The following ELMO1 variants were observed in gnomAD, a reference collection of about 807,000 sequenced individuals.
ELMO1 encodes engulfment and cell motility protein 1.
ELMO1 carries 26 observed loss-of-function variants against 98.9 expected under a neutral mutation model. The ratio of observed to expected loss-of-function variants is 0.26; its 90% CI spans 0.19 to 0.36. The LOEUF is 0.36. Ranked by LOEUF, ELMO1 falls within the 10% of genes least tolerant of loss-of-function variation. The pLI is 1.00. For synonymous variants in ELMO1, 346 were observed against 346.0 expected, an observed-to-expected ratio of 1.00 and a Z score of 0.00; for missense variants, 627 against 935.2, an observed-to-expected ratio of 0.67 and a Z score of 4.30.
chr7:37,165,263 T>C (rs1789579958), intron 13 of ELMO1, among the ~76,000 whole-genome samples: 1 of 152,238 alleles, frequency 6.6e-6, no homozygotes, highest in East Asian at 1.9e-4. Flanking sequence ...TTCTAGATAT[T>C]CAATCATGTC....
At chr7:37,225,569 G>GAAAAACTATCCC (rs1554446863) in intron 8 of ELMO1, among the ~76,000 whole-genome samples, 1 of 152,148 alleles carries the variant, frequency 6.6e-6, no homozygotes, top group Non-Finnish European at 1.5e-5. Context: ...TCTCTTAAAC[G>GAAAAACTATCCC]AAAAACTCGT....
intron 1 of ELMO1, among the ~76,000 whole-genome samples, chr7:37,347,702 T>C (rs1207924064): frequency 6.6e-6 from 1 of 152,118 alleles, no homozygotes; most frequent in Non-Finnish European, 1.5e-5. Context: ...TTTTTTCCTT[T>C]ATAAATTACC....
intron 20 of ELMO1, among the ~76,000 whole-genome samples, chr7:36,863,888 G>A (rs1454473286): frequency 2.6e-5 from 4 of 152,142 alleles, no homozygotes; most frequent in Non-Finnish European, 4.4e-5. Flanking sequence ...GATTTGGCAT[G>A]TTCATTAAAA....
intron 15 of ELMO1, among the ~76,000 whole-genome samples, chr7:37,074,210 AG>A (rs1474166588): frequency 6.7e-6 from 1 of 148,618 alleles, no homozygotes; most frequent in Admixed American, 6.7e-5. Flanking sequence ...ATTCATATAT[AG>A]GGTATAAATA....
chr7:37,320,050 T>C (rs998928111), intron 2 of ELMO1, among the ~76,000 whole-genome samples: 2 of 152,096 alleles, frequency 1.3e-5, no homozygotes, highest in Admixed American at 6.6e-5. Flanking sequence ...GGTCAGGAGA[T>C]TGAGACCATT....
At chr7:37,016,729 T>C (rs1584519579) in intron 15 of ELMO1, among the ~76,000 whole-genome samples, 1 of 152,316 alleles carries the variant, frequency 6.6e-6, no homozygotes. Context: ...ATGGACTTCA[T>C]AGTCACTTAT....
intron 13 of ELMO1, among the ~76,000 whole-genome samples, chr7:37,165,301 C>T (rs901558374): frequency 6.6e-6 from 1 of 151,906 alleles, no homozygotes; most frequent in African/African-American, 2.4e-5. Flanking sequence ...ATTTGACTTC[C>T]TCTTTTCCTA....
intron 4 of ELMO1, among the ~76,000 whole-genome samples, chr7:37,286,724 C>T (rs1283907579): frequency 1.3e-5 from 2 of 152,146 alleles, no homozygotes; most frequent in Admixed American, 6.5e-5. Context: ...CATTTGGATC[C>T]CCAGCCTTAG....
intron 14 of ELMO1, among the ~76,000 whole-genome samples, chr7:37,104,930 C>G (rs1784860183): frequency 6.6e-6 from 1 of 151,074 alleles, no homozygotes; most frequent in Non-Finnish European, 1.5e-5. Context: ...TGGTATAAAA[C>G]CCAGCTAATG....
At chr7:36,888,435 G>C (rs1290378789) in intron 17 of ELMO1, among the ~76,000 whole-genome samples, 5 of 152,068 alleles carry the variant, frequency 3.3e-5, no homozygotes, top group Non-Finnish European at 7.4e-5. Context: ...TATTCTAGTT[G>C]AAGCTGGACA....
At chr7:37,021,749 T>G (rs1171767459) in intron 15 of ELMO1, among the ~76,000 whole-genome samples, 1 of 152,158 alleles carries the variant, frequency 6.6e-6, no homozygotes, top group Non-Finnish European at 1.5e-5. Flanking sequence ...TGTAGAGTGA[T>G]TCATATGTTA....
intron 21 of ELMO1, among the ~76,000 whole-genome samples, chr7:36,858,014 T>TA (rs1802339640): frequency 6.6e-6 from 1 of 152,208 alleles, no homozygotes; most frequent in Non-Finnish European, 1.5e-5. Context: ...ATAACGACAG[T>TA]AACTGCAACA....
At chr7:37,440,762 C>T (rs2131588721) in intron 1 of ELMO1, among the ~76,000 whole-genome samples, 1 of 131,894 alleles carries the variant, frequency 7.6e-6, no homozygotes, top group South Asian at 2.3e-4. Flanking sequence ...GAGTGAGACT[C>T]CATCTCAAAA....
intron 15 of ELMO1, among the ~76,000 whole-genome samples, chr7:37,092,513 G>A (rs1208483934): frequency 6.6e-6 from 1 of 151,538 alleles, no homozygotes; most frequent in Non-Finnish European, 1.5e-5. Flanking sequence ...TAAGTAGCTG[G>A]GACTACAGGC....
intron 15 of ELMO1, among the ~76,000 whole-genome samples, chr7:37,077,655 C>T (rs1797654672): frequency 6.6e-6 from 1 of 152,172 alleles, no homozygotes; most frequent in Non-Finnish European, 1.5e-5. Context: ...ACTGAATTAA[C>T]AGGACGTGGC....
chr7:37,128,768 C>T (rs957582956), intron 14 of ELMO1, among the ~76,000 whole-genome samples: 1 of 152,116 alleles, frequency 6.6e-6, no homozygotes, highest in Non-Finnish European at 1.5e-5. Context: ...GCTCTTTACT[C>T]ATGTGAATTA....
intron 16 of ELMO1, among the ~76,000 whole-genome samples, chr7:36,935,283 T>C (rs1324317986): frequency 6.6e-6 from 1 of 152,206 alleles, no homozygotes; most frequent in Non-Finnish European, 1.5e-5. Context: ...TCTGCCATGA[T>C]GGTGAGGCCT....
chr7:37,108,610 TA>T (rs1188684383), intron 14 of ELMO1, among the ~76,000 whole-genome samples: 1 of 152,236 alleles, frequency 6.6e-6, no homozygotes, highest in Non-Finnish European at 1.5e-5. Flanking sequence ...GTATCTTTCT[TA>T]AAACAATTCC....
intron 13 of ELMO1, among the ~76,000 whole-genome samples, chr7:37,156,739 C>A (rs1788794758): frequency 6.6e-6 from 1 of 152,182 alleles, no homozygotes; most frequent in Non-Finnish European, 1.5e-5. Context: ...ACCACAGGTA[C>A]AAAGAGGAGC....
Sources: allele counts gnomAD v4.1 joint callset (sites outside exome capture counted in the v4.1 genomes callset), GRCh38; gene constraint gnomAD v4.1.1; transcripts MANE v1.5; gene names NCBI Gene and HGNC (gene_info 2026-07-23, HGNC 2026-07-21).